The following SCG5 variants were observed in gnomAD, a reference collection of about 807,000 sequenced individuals.
The protein encoded by SCG5 is neuroendocrine protein 7B2.
Under a neutral mutation model 25.7 loss-of-function variants are expected in SCG5, and 18 were observed. That is an observed-to-expected ratio of 0.70 (90% CI 0.48 to 1.04). SCG5 has a LOEUF of 1.04. Among genes scored for constraint, SCG5 ranks in the 50% least tolerant of loss-of-function variants. The pLI is 0.00. For missense variants in SCG5, 206 were observed against 259.8 expected, an observed-to-expected ratio of 0.79 and a Z score of 1.42; for synonymous variants, 101 against 91.7, an observed-to-expected ratio of 1.10 and a Z score of -0.58.
chr15:32,680,960 C>CCACTTCGTACCTCAATTTCCTTA, intron 3 of SCG5, among the ~76,000 whole-genome samples: 1 of 152,158 alleles, frequency 6.6e-6, no homozygotes, highest in Non-Finnish European at 1.5e-5. Flanking sequence ...AGTTAATTAA[C>CCACTTCGTACCTCAATTTCCTTA]CACTTCGTAC....
chr15:32,691,779 C>A lies in SCG5; in HGVS notation c.543+16C>A. ...AAAGCGGAGGGTAACACGTGCCTGG[C>A]TGGATTGTTGCGGGGATGCTTGGAG... On this transcript the variant is annotated intron_variant, in intron 5 of 5. Coordinates refer to ENST00000300175, the MANE Select transcript of SCG5 (RefSeq NM_001144757.3). 1 of 1,611,552 alleles carries A rather than the reference C, an allele frequency of 6.2e-7. No homozygotes were observed. The highest frequency in any genetic ancestry group is 8.5e-7 in the Non-Finnish European group (1 of 1,178,932).
chr15:32,675,528 T>C (rs2054515937), intron 2 of SCG5, among the ~76,000 whole-genome samples: 2 of 152,238 alleles, frequency 1.3e-5, no homozygotes, highest in African/African-American at 4.8e-5. Flanking sequence ...ATATATCTTA[T>C]TATGTACTAC....
intron 2 of SCG5, among the ~76,000 whole-genome samples, chr15:32,662,637 G>A: frequency 6.6e-6 from 1 of 152,108 alleles, no homozygotes; most frequent in Admixed American, 6.5e-5. Context: ...CAGCAGTAGA[G>A]GAAGACTTGA....
chr15:32,696,510 T>TC lies in SCG5; in HGVS notation c.544-3dup. On this transcript the variant is annotated splice_region_variant and splice_polypyrimidine_tract_variant and intron_variant, in intron 5 of 5. Coordinates refer to ENST00000300175, the MANE Select transcript of SCG5 (RefSeq NM_001144757.3). ...CACATGGTTTTTGTTTGTTTGTTTT[T>TC]CAGAGTGTCAATCCATATCTACAAG... The TC allele has an allele frequency of 6.2e-7, 1 of 1,603,174 alleles. No individual in the cohort carries two copies. The highest frequency in any genetic ancestry group is 8.5e-7 in the Non-Finnish European group (1 of 1,171,298).
intron 2 of SCG5, among the ~76,000 whole-genome samples, chr15:32,672,792 C>G (rs538761983): frequency 2.2e-4 from 34 of 152,096 alleles, no homozygotes; most frequent in South Asian, 2.1e-3. Context: ...GGCAAGAAAC[C>G]TTTCCCCAGG....
intron 2 of SCG5, among the ~76,000 whole-genome samples, chr15:32,669,727 C>A (rs533839069): frequency 2.0e-5 from 3 of 152,098 alleles, no homozygotes; most frequent in Non-Finnish European, 4.4e-5. Context: ...TGCTTCACTT[C>A]CAGATTATTT....
chr15:32,665,054 T>G (rs2054296732), intron 2 of SCG5, among the ~76,000 whole-genome samples: 1 of 152,216 alleles, frequency 6.6e-6, no homozygotes. Context: ...GAGTAAACCC[T>G]TTGGGGTTTT....
At chr15:32,663,788 C>T (rs1163978378) in intron 2 of SCG5, among the ~76,000 whole-genome samples, 1 of 152,120 alleles carries the variant, frequency 6.6e-6, no homozygotes. Flanking sequence ...AATGGCATTT[C>T]CCTGCAGATG....
intron 3 of SCG5, among the ~76,000 whole-genome samples, chr15:32,683,478 CT>C (rs2054652799): frequency 6.6e-6 from 1 of 152,164 alleles, no homozygotes; most frequent in South Asian, 2.1e-4. Flanking sequence ...AGCCTTCTTT[CT>C]TTGGTTTCAA....
At chr15:32,671,876 A>G (rs1195226623) in intron 2 of SCG5, among the ~76,000 whole-genome samples, 2 of 151,384 alleles carry the variant, frequency 1.3e-5, no homozygotes, top group Admixed American at 1.3e-4. Flanking sequence ...TCCTCGCCCC[A>G]CTCCGCTTTG....
intron 5 of SCG5, 25 bp downstream of exon 5, chr15:32,691,788 T>G: frequency 6.2e-7 from 1 of 1,610,454 alleles, no homozygotes; most frequent in African/African-American, 1.3e-5. Context: ...GCTGGATTGT[T>G]GCGGGGATGC....
At chr15:32,653,192 C>T (rs1288940292) in intron 2 of SCG5, among the ~76,000 whole-genome samples, 3 of 152,168 alleles carry the variant, frequency 2.0e-5, no homozygotes, top group Admixed American at 6.5e-5. Flanking sequence ...AAACAGTGAT[C>T]GGTAGAATCT....
intron 2 of SCG5, among the ~76,000 whole-genome samples, chr15:32,660,640 C>T (rs2054200767): frequency 2.0e-5 from 3 of 152,224 alleles, no homozygotes; most frequent in South Asian, 2.1e-4. Context: ...GAGAGATGCA[C>T]GCATGATACC....
intron 2 of SCG5, among the ~76,000 whole-genome samples, chr15:32,665,418 G>C (rs575713801): frequency 1.3e-5 from 2 of 151,938 alleles, no homozygotes; most frequent in African/African-American, 4.8e-5. Flanking sequence ...TCTGAAAGAT[G>C]CAACATGGAG....
At chr15:32,665,344 G>A (rs2054300701) in intron 2 of SCG5, among the ~76,000 whole-genome samples, 2 of 150,784 alleles carry the variant, frequency 1.3e-5, no homozygotes, top group Non-Finnish European at 2.9e-5. Flanking sequence ...GATCACATCA[G>A]CATTAGGTTC....
intron 4 of SCG5, among the ~76,000 whole-genome samples, chr15:32,689,841 CTTT>C (rs537073829): frequency 2.2e-5 from 3 of 135,028 alleles, no homozygotes; most frequent in Non-Finnish European, 1.6e-5. Flanking sequence ...TTTTGCATTT[CTTT>C]TTTTTTTTTT....
intron 2 of SCG5, among the ~76,000 whole-genome samples, chr15:32,656,452 A>G (rs541876673): frequency 2.0e-5 from 3 of 152,356 alleles, no homozygotes; most frequent in Admixed American, 2.0e-4. Context: ...ATTCTGTCTC[A>G]TTTGATACAG....
intron 2 of SCG5, among the ~76,000 whole-genome samples, chr15:32,653,067 A>T (rs753503872): frequency 6.6e-6 from 1 of 152,242 alleles, no homozygotes; most frequent in Non-Finnish European, 1.5e-5. Flanking sequence ...GAACAGTACA[A>T]TGTAAAAAAT....
intron 2 of SCG5, among the ~76,000 whole-genome samples, chr15:32,650,501 G>A (rs543110940): frequency 1.3e-5 from 2 of 152,244 alleles, no homozygotes; most frequent in East Asian, 3.9e-4. Flanking sequence ...CCAAGCCCAC[G>A]GTTGCTCACT....
Sources: gnomAD v4.1 joint callset for allele counts (sites outside exome capture counted in the v4.1 genomes callset) on GRCh38, gnomAD v4.1.1 for gene constraint, MANE v1.5 for transcripts, NCBI Gene and HGNC (gene_info 2026-07-23, HGNC 2026-07-21) for gene names.